Variants in ATM observed in about 807,000 individuals in gnomAD.
ATM encodes ATM serine/threonine kinase.
ATM carries 308 observed loss-of-function variants against 387.0 expected under a neutral mutation model. The ratio of observed to expected loss-of-function variants is 0.80; its 90% CI spans 0.73 to 0.87. The LOEUF (loss-of-function observed/expected upper bound fraction) is 0.87. Ranked by LOEUF, ATM falls within the 40% of genes least tolerant of loss-of-function variation. The pLI, the probability that ATM is intolerant of heterozygous loss-of-function variation, is 0.00. For missense variants in ATM, 3,312 were observed against 3,560.9 expected (o/e 0.93, Z 1.78); for synonymous variants, 1,156 against 1,187.3 (o/e 0.97, Z 0.54).
At chr11:108,243,057 C>A (rs1014262561) in intron 5 of ATM, among the ~76,000 whole-genome samples, 3 of 150,988 alleles carry the variant, frequency 2.0e-5, no homozygotes, top group African/African-American at 7.3e-5. Context: ...CTGTCTCTAC[C>A]TAAAATACCA....
chr11:108,325,207 G>A, intron 45 of ATM, 103 bp from the exon 46 acceptor site: 2 of 785,530 alleles, frequency 2.5e-6, no homozygotes, highest in Non-Finnish European at 4.0e-6. Flanking sequence ...AAGTTCCTTT[G>A]TATTATTATA....
In ATM at chr11:108,289,042, A is replaced by G. The variant is rs876658239; in HGVS notation, c.4175A>G (p.Tyr1392Cys). Reference protein sequence around the residue: ...PSHVIKATFAYISNCHKTKLK... With the variant: ...PSHVIKATFACISNCHKTKLK... ...CATGTGATTAAAGCAACATTTGCCT[A>G]TATCAGCAATTGTCATAAAACCAAG... Residue 1392 changes from tyrosine to cysteine, a missense_variant, in exon 28 of 63, where the codon TAT becomes TGT. This residue lies in a region of ATM where 1,791 missense variants were observed against 1,804.5 expected (regional missense o/e 0.99). Transcript: ENST00000675843. The G allele has an allele frequency of 6.2e-7, 1 of 1,613,226 alleles. No homozygotes were observed. Among genetic ancestry groups the G allele is most frequent in the South Asian group, 1.1e-5 (1 of 91,072 alleles).
chr11:108,354,646 G>A (rs139072720), intron 60 of ATM, among the ~76,000 whole-genome samples, 165 bp from the exon 61 acceptor site: 9 of 152,262 alleles, frequency 5.9e-5, no homozygotes, highest in East Asian at 1.9e-4. Context: ...CATTTCAAAC[G>A]TCTAATGAAA....
Position 108,232,996 on chromosome 11 carries a change from G to A in ATM, c.332-2674G>A, listed in dbSNP as rs376815105. ...TCCCGCCTCAGCTTCCCAAGTAACT[G>A]GGATTACAGGCATGCCCCACCATGC... On this transcript the variant is annotated intron_variant, in intron 4 of 62. Coordinates refer to ENST00000675843, the MANE Select transcript of ATM (RefSeq NM_000051.4). Among the ~76,000 whole-genome samples, 69 of 152,112 alleles carry A rather than the reference G, an allele frequency of 4.5e-4. 1 individual carries two copies. Among genetic ancestry groups the A allele is most frequent in the African/African-American group, 1.5e-3 (63 of 41,498 alleles).
chr11:108,335,956 TATAAG>T lies in ATM; in HGVS notation c.8264_8268del (p.Tyr2755CysfsTer12), dbSNP rs730881294. Reference sequence around the variant, plus strand: ...GAAGAGGAAATTAACTATCTGTACTTATAAGGTAACTATTTGTACTTCTGTTAGTT... The same window carrying T: ...GAAGAGGAAATTAACTATCTGTACTTGTAACTATTTGTACTTCTGTTAGTT... On this transcript the variant is annotated frameshift_variant and splice_region_variant, in exon 56 of 63. Transcript: ENST00000675843. LOFTEE classifies it high-confidence loss of function. The T allele has an allele frequency of 6.9e-6, 11 of 1,601,372 alleles. No individual in the cohort carries two copies. Among genetic ancestry groups the T allele is most frequent in the Admixed American group, 5.0e-5 (3 of 59,976 alleles).
chr11:108,336,304 G>A (rs1016722130), intron 56 of ATM: 6 of 198,462 alleles, frequency 3.0e-5, no homozygotes, highest in Non-Finnish European at 5.2e-5. Context: ...GCAAGATCCC[G>A]TTTAAAAAAG....
Position 108,238,894 on chromosome 11 carries a change from T to C in ATM, c.496+3060T>C, listed in dbSNP as rs116047916. On this transcript the variant is annotated intron_variant, in intron 5 of 62. Coordinates refer to ENST00000675843, the MANE Select transcript of ATM (RefSeq NM_000051.4). ...TATTAAGTGCATTCATATTGTTGTGTAATCATCTCCACCATCCATCTCCAG... is the reference window on the plus strand; with the variant it reads ...TATTAAGTGCATTCATATTGTTGTGCAATCATCTCCACCATCCATCTCCAG... Among the ~76,000 whole-genome samples, 209 of 152,340 alleles carry C rather than the reference T, an allele frequency of 1.4e-3. 1 individual carries two copies. Among genetic ancestry groups the C allele is most frequent in the African/African-American group, 4.7e-3 (197 of 41,586 alleles).
At chr11:108,303,935 T>C (rs973670834) in intron 36 of ATM, among the ~76,000 whole-genome samples, 1 of 152,216 alleles carries the variant, frequency 6.6e-6, no homozygotes, top group African/African-American at 2.4e-5. Flanking sequence ...AACTGGTGTT[T>C]TGCCTTGTCT....
rs1316363133 is a variant in ATM, at chr11:108,294,976, C to G, written c.4826C>G (p.Thr1609Arg). ...SVSVYDALPL[T>R]RLEGLKDLRR... ...AGTGTTTATGATGCACTTCCATTGA[C>G]AAGACTTGAAGGACTAAAGGATCTT... The change falls in exon 32 of 63, where the codon ACA becomes AGA. Residue 1609 changes from threonine to arginine, a missense_variant. Transcript: ENST00000675843. 6.2e-7 allele frequency: 1 copy of G among 1,613,634 alleles called. No homozygotes were observed. The highest frequency in any genetic ancestry group is 2.2e-5 in the East Asian group (1 of 44,830).
rs1565372075 is a variant in ATM at position 108,244,988 on chromosome 11, AT to A, written c.864del (p.Tyr288Ter). ...ATTGAATTATTTCAACTGCAAATTT[AT>A]ATCCATCATCCGAAAGGAGCCAAAA... ...VIIELFQLQI[Y>X]IHHPKGAKTQ... On this transcript the variant is annotated frameshift_variant, in exon 7 of 63. Coordinates refer to ENST00000675843, the MANE Select transcript of ATM (RefSeq NM_000051.4). LOFTEE classifies it high-confidence loss of function. The A allele has an allele frequency of 1.2e-6, 2 of 1,612,150 alleles. No individual in the cohort carries two copies. Among genetic ancestry groups the A allele is most frequent in the Non-Finnish European group, 1.7e-6 (2 of 1,179,672 alleles).
In ATM at chr11:108,279,528, C is replaced by T. The variant is rs1555090147; in HGVS notation, c.3322C>T (p.Leu1108=). 1.2e-6 allele frequency: 2 copies of T among 1,613,466 alleles called. No individual in the cohort carries two copies. Among genetic ancestry groups the T allele is most frequent in the Non-Finnish European group, 1.7e-6 (2 of 1,179,664 alleles). ...QDTKGDSSRL[L]KALPLKLQQT... ...CACGAAGGGAGATTCTTCCAGGTTACTGAAAGCACTTCCTTTGAAGCTTCA... is the reference window on the plus strand; with the variant it reads ...CACGAAGGGAGATTCTTCCAGGTTATTGAAAGCACTTCCTTTGAAGCTTCA... The change falls in exon 23 of 63, where the codon CTG becomes TTG. Residue 1108 remains leucine, a synonymous_variant. Transcript: ENST00000675843.
chr11:108,224,053 G>A (rs1385574203), intron 1 of ATM: 11 of 152,224 alleles, frequency 7.2e-5, no homozygotes, highest in Admixed American at 6.5e-4. Flanking sequence ...CAGTCATAAC[G>A]GAAGTTAATA....
chr11:108,263,775 G>A lies in ATM; in HGVS notation c.2467-3396G>A, dbSNP rs1310633471. ...AAAAAGAGAGAAGAATCAAATAGAC[G>A]CAATAAAAAATGATAAAGGGGATAT... On this transcript the variant is annotated intron_variant, in intron 16 of 62. Transcript: ENST00000675843. Among the ~76,000 whole-genome samples, 210 of 148,248 alleles carry A rather than the reference G, an allele frequency of 1.4e-3. 3 individuals carry two copies. The highest frequency in any genetic ancestry group is 8.5e-4 in the Non-Finnish European group (57 of 66,896).
At chr11:108,294,111 G>C (rs2082990356) in intron 31 of ATM, among the ~76,000 whole-genome samples, 3 of 151,840 alleles carry the variant, frequency 2.0e-5, no homozygotes, top group Admixed American at 2.0e-4. Context: ...TAACACATAA[G>C]ATCCTAAGGT....
intron 9 of ATM, among the ~76,000 whole-genome samples, chr11:108,249,412 C>T (rs1335863860): frequency 6.6e-6 from 1 of 152,122 alleles, no homozygotes; most frequent in African/African-American, 2.4e-5. Context: ...TTGTACGCTT[C>T]AACAATAGAT....
At position 108,330,234 on chromosome 11, in the gene ATM, G is replaced by T. The variant is rs587782310; in HGVS notation, c.7328G>T (p.Arg2443Leu). The change falls in exon 50 of 63, where the codon CGA becomes CTA. Residue 2443 changes from arginine (R) to leucine (L), a missense_variant. Physicochemically the swap from Arg to Leu is moderately radical, Grantham distance 102. Transcript: ENST00000675843. Reference protein sequence around the residue: ...QTNRYTVKVQRELELDELALR... With the variant: ...QTNRYTVKVQLELELDELALR... ...GCAAGATACACAGTAAAGGTTCAGC[G>T]AGAGCTGGAGTTGGATGAATTAGCC... is the stretch of plus-strand genomic sequence containing the variant. The T allele has an allele frequency of 6.2e-7, 1 of 1,614,138 alleles. No individual in the cohort carries two copies. The highest frequency in any genetic ancestry group is 1.3e-5 in the African/African-American group (1 of 75,062).
intron 4 of ATM, among the ~76,000 whole-genome samples, chr11:108,234,863 GGT>G (rs2079190127): frequency 1.3e-5 from 2 of 150,946 alleles, no homozygotes; most frequent in African/African-American, 4.9e-5. Context: ...TACAACCTGA[GGT>G]GTTTGTATGC....
At chr11:108,348,741 T>C (rs2088807896) in intron 59 of ATM, among the ~76,000 whole-genome samples, 1 of 152,170 alleles carries the variant, frequency 6.6e-6, no homozygotes, top group African/African-American at 2.4e-5. Context: ...GAAAATAATA[T>C]ATTGAGAGGA....
chr11:108,262,032 G>C (rs1351486303), intron 16 of ATM, among the ~76,000 whole-genome samples: 2 of 151,802 alleles, frequency 1.3e-5, no homozygotes, highest in Non-Finnish European at 2.9e-5. Flanking sequence ...GTAACGGGGA[G>C]AATGGAACCA....
Sources: gnomAD v4.1 joint callset for allele counts (sites outside exome capture counted in the v4.1 genomes callset) on GRCh38, gnomAD v4.1.1 for gene constraint, gnomAD v4.1.1 regional missense constraint, MANE v1.5 for transcripts, NCBI Gene and HGNC (gene_info 2026-07-23, HGNC 2026-07-21) for gene names.